The following CASK variants were observed in gnomAD, a reference collection of about 807,000 sequenced individuals.
The protein encoded by CASK is peripheral plasma membrane protein CASK.
A neutral mutation model predicts 82.9 loss-of-function variants in CASK; 4 were observed. That is an observed-to-expected ratio of 0.05 (90% CI 0.02 to 0.11). The LOEUF (loss-of-function observed/expected upper bound fraction) is 0.11, where lower values mean the gene tolerates loss of function less well. CASK is among the 10% of genes least tolerant of loss of function. The probability of loss-of-function intolerance (pLI) is 1.00; values close to 1 mark genes in which losing one functional copy is unlikely to be tolerated. For synonymous variants in CASK, 259 were observed against 253.5 expected (o/e 1.02, Z -0.20); for missense variants, 358 against 720.9 (o/e 0.50, Z 5.76).
At chrX:41,821,336 A>C (rs1204841755) in intron 2 of CASK, among the ~76,000 whole-genome samples, 2 of 112,104 alleles carry the variant, frequency 1.8e-5, no homozygotes, top group Admixed American at 1.9e-4. Flanking sequence ...ATTTTTAGTC[A>C]TAAGGTAAAT....
chrX:41,718,602 C>A (rs1339897413), intron 5 of CASK, among the ~76,000 whole-genome samples: 1 of 112,478 alleles, frequency 8.9e-6, no homozygotes, highest in Non-Finnish European at 1.9e-5. Flanking sequence ...CAGAGGTCAT[C>A]TGTTTAGACT....
intron 20 of CASK, among the ~76,000 whole-genome samples, chrX:41,554,589 C>G (rs1439828486): frequency 8.9e-6 from 1 of 112,146 alleles, no homozygotes; most frequent in East Asian, 2.8e-4. Context: ...TTGAAATCAG[C>G]ACAGAGCTTC....
Position 41,910,019 on chromosome X carries a change from T to C in CASK, c.59+12911A>G, listed in dbSNP as rs947803776. ...GGCAGATCACCTGAGCTCAGGAGTT[T>C]GAGATCAGCCTGGCCAACATGGCAA... On this transcript the variant is annotated intron_variant, in intron 1 of 26. Coordinates refer to ENST00000378163, the MANE Select transcript of CASK (RefSeq NM_001367721.1). Among the ~76,000 whole-genome samples the C allele has an allele frequency of 3.6e-5, 4 of 111,769 alleles. No homozygotes were observed. The South Asian group carries it at 1.5e-3, about 42-fold the overall frequency.
At chrX:41,649,352 G>A (rs1374593482) in intron 8 of CASK, among the ~76,000 whole-genome samples, 2 of 111,688 alleles carry the variant, frequency 1.8e-5, no homozygotes, top group Non-Finnish European at 3.8e-5. Context: ...ATGTTAGGGT[G>A]TCAATTTTAG....
intron 5 of CASK, chrX:41,729,069 A>T (rs1479261700): frequency 1.6e-5 from 2 of 123,618 alleles, no homozygotes; most frequent in Admixed American, 1.9e-4. Context: ...AGTGACAAAC[A>T]GTACCTGGCA....
intron 12 of CASK, among the ~76,000 whole-genome samples, chrX:41,606,296 C>T (rs975742566): frequency 4.5e-5 from 5 of 112,048 alleles, no homozygotes; most frequent in Admixed American, 9.4e-5. Flanking sequence ...GACGGAGTCT[C>T]GCTCTGTTGA....
intron 1 of CASK, among the ~76,000 whole-genome samples, chrX:41,882,559 A>G (rs761118108): frequency 8.9e-6 from 1 of 111,963 alleles, no homozygotes; most frequent in South Asian, 3.7e-4. Context: ...AGAATGTAAT[A>G]CATTTCATTT....
intron 1 of CASK, among the ~76,000 whole-genome samples, chrX:41,912,303 T>TTTTG (rs2072586806): frequency 1.1e-5 from 1 of 92,610 alleles, no homozygotes; most frequent in African/African-American, 4.0e-5. Flanking sequence ...GTTTTCTGTT[T>TTTTG]TTTTTTTTTT....
In CASK at chrX:41,515,521, T is replaced by G. The variant is rs1246676722; in HGVS notation, c.*4899A>C. On this transcript the variant is annotated 3_prime_UTR_variant, in exon 27 of 27. Coordinates refer to ENST00000378163, the MANE Select transcript of CASK (RefSeq NM_001367721.1). ...AGTTTGAATGGCGACGTGCCTACAC[T>G]GCAATTAAACACGATACTCGGGTCT... is the stretch of plus-strand genomic sequence containing the variant. 1 of 111,895 alleles carries G rather than the reference T, an allele frequency of 8.9e-6. No homozygotes were observed. The highest frequency in any genetic ancestry group is 3.3e-5 in the African/African-American group (1 of 30,761). The allele number at this position is 111,895 out of a possible 1,213,427, so 9.2% of individuals were successfully genotyped here.
chrX:41,853,495 A>G (rs2071305979), intron 1 of CASK, among the ~76,000 whole-genome samples: 1 of 112,357 alleles, frequency 8.9e-6, no homozygotes, highest in African/African-American at 3.2e-5. Context: ...TAAAAATTCT[A>G]AATAGTAGTC....
At chrX:41,854,686 T>C (rs1218313866) in intron 1 of CASK, among the ~76,000 whole-genome samples, 1 of 112,415 alleles carries the variant, frequency 8.9e-6, no homozygotes, top group African/African-American at 3.2e-5. Context: ...GATGACATCA[T>C]GAGGACATCA....
intron 2 of CASK, among the ~76,000 whole-genome samples, chrX:41,792,427 C>T (rs868201158): frequency 9.2e-6 from 1 of 108,666 alleles, no homozygotes; most frequent in African/African-American, 3.4e-5. Context: ...AGCAGCTGGG[C>T]TACAGGCACG....
At chrX:41,690,995 G>GTA (rs1223675959) in intron 5 of CASK, among the ~76,000 whole-genome samples, 1 of 111,765 alleles carries the variant, frequency 8.9e-6, no homozygotes, top group East Asian at 2.8e-4. Flanking sequence ...ATCAATAATT[G>GTA]TATGCTAGCT....
At chrX:41,648,658 A>G (rs776265691) in intron 8 of CASK, among the ~76,000 whole-genome samples, 137 of 111,747 alleles carry the variant, frequency 1.2e-3, no homozygotes, top group African/African-American at 4.3e-3. Context: ...AAAAATAGAA[A>G]AGAACCTACG....
intron 5 of CASK, among the ~76,000 whole-genome samples, chrX:41,730,398 A>G (rs1040630531): frequency 9.0e-6 from 1 of 110,667 alleles, no homozygotes; most frequent in Non-Finnish European, 1.9e-5. Flanking sequence ...AACCCAGTAA[A>G]TTTTTTTTTC....
chrX:41,917,499 T>G (rs2072713148), intron 1 of CASK, among the ~76,000 whole-genome samples: 1 of 112,002 alleles, frequency 8.9e-6, no homozygotes, highest in East Asian at 2.8e-4. Context: ...CTCCTTCAAT[T>G]TATTGAGTAG....
chrX:41,559,816 A>G lies in CASK; in HGVS notation c.1700T>C (p.Ile567Thr), dbSNP rs1064797367. Residue 567 changes from isoleucine to threonine, a missense_variant, in exon 18 of 27, where the codon ATT becomes ACT. Physicochemically the swap from Ile to Thr is moderately conservative, Grantham distance 89. Transcript: ENST00000378163. ...REMRGSITFK[I>T]VPSYRTQSSS... is the part of the protein sequence containing the mutation. ...AGACTGAGTGCGGTAACTTGGCACA[A>G]TCTTGAAGGTAATACTCCCCCGCAT... is the stretch of plus-strand genomic sequence containing the variant. 1.7e-6 allele frequency: 2 copies of G among 1,210,977 alleles called. No individual in the cohort carries two copies. The highest frequency in any genetic ancestry group is 2.2e-6 in the Non-Finnish European group (2 of 894,669).
intron 5 of CASK, chrX:41,676,558 G>A (rs2067269389): frequency 1.0e-6 from 1 of 968,263 alleles, no homozygotes; most frequent in Non-Finnish European, 1.4e-6. Context: ...GGTCTACCTG[G>A]CGGGCGCCGC....
intron 3 of CASK, among the ~76,000 whole-genome samples, chrX:41,770,362 G>A (rs376413284): frequency 1.1e-4 from 11 of 101,755 alleles, no homozygotes; most frequent in African/African-American, 2.6e-4. Flanking sequence ...CCATCCATCC[G>A]TTTTTTGAGA....
Sources: gnomAD v4.1 joint callset for allele counts (sites outside exome capture counted in the v4.1 genomes callset) on GRCh38, gnomAD v4.1.1 for gene constraint, MANE v1.5 for transcripts, NCBI Gene and HGNC (gene_info 2026-07-23, HGNC 2026-07-21) for gene names.